ROBO2: variants seen among roughly 807,000 people sequenced by gnomAD.
ROBO2 encodes roundabout homolog 2.
ROBO2 carries 53 observed loss-of-function variants against 160.8 expected under a neutral mutation model. That is an observed-to-expected ratio of 0.33 (90% CI 0.26 to 0.41). ROBO2 has a LOEUF of 0.41. Among genes scored for constraint, ROBO2 ranks in the 10% least tolerant of loss-of-function variants. The pLI is 1.00. For missense variants in ROBO2, 1,577 were observed against 1,722.4 expected, an observed-to-expected ratio of 0.92 and a Z score of 1.49; for synonymous variants, 664 against 611.7, an observed-to-expected ratio of 1.09 and a Z score of -1.26.
intron 2 of ROBO2, among the ~76,000 whole-genome samples, chr3:76,582,645 C>T (rs2085773345): frequency 2.0e-5 from 3 of 151,928 alleles, no homozygotes; most frequent in African/African-American, 7.3e-5. Context: ...AAATTTAAGA[C>T]AATTCCTTTC....
intron 2 of ROBO2, among the ~76,000 whole-genome samples, chr3:76,606,090 C>T (rs2087630931): frequency 6.6e-6 from 1 of 151,872 alleles, no homozygotes; most frequent in Admixed American, 6.6e-5. Flanking sequence ...TGTAGATTTT[C>T]TGGAAAAGAA....
At chr3:77,617,343 A>C (rs2094802993) in intron 21 of ROBO2, among the ~76,000 whole-genome samples, 170 bp from the exon 23 acceptor site, 1 of 152,244 alleles carries the variant, frequency 6.6e-6, no homozygotes, top group Admixed American at 6.5e-5. Flanking sequence ...ATTAGAAATT[A>C]AGATAACAGC....
chr3:77,120,745 C>A (rs530730611), intron 2 of ROBO2, among the ~76,000 whole-genome samples: 1 of 151,980 alleles, frequency 6.6e-6, no homozygotes, highest in South Asian at 2.1e-4. Context: ...AAATAAAAAC[C>A]AAAACTAAAA....
chr3:75,976,856 T>C (rs1399791829), intron 2 of ROBO2, among the ~76,000 whole-genome samples: 1 of 151,430 alleles, frequency 6.6e-6, no homozygotes, highest in Non-Finnish European at 1.5e-5. Flanking sequence ...CACATGTCTG[T>C]GGAAAGGGTT....
chr3:76,306,062 A>G (rs927558326), intron 2 of ROBO2, among the ~76,000 whole-genome samples: 1 of 152,082 alleles, frequency 6.6e-6, no homozygotes, highest in African/African-American at 2.4e-5. Flanking sequence ...CAGCCACAAA[A>G]TGTCTTCAGA....
intron 2 of ROBO2, among the ~76,000 whole-genome samples, chr3:77,367,055 A>G (rs967628148): frequency 6.6e-6 from 1 of 152,134 alleles, no homozygotes; most frequent in Non-Finnish European, 1.5e-5. Flanking sequence ...GTATTGTGTT[A>G]TGACAGCTCA....
chr3:76,458,180 C>T (rs1172770707), intron 2 of ROBO2, among the ~76,000 whole-genome samples: 1 of 152,140 alleles, frequency 6.6e-6, no homozygotes, highest in East Asian at 1.9e-4. Flanking sequence ...AACTTTTATG[C>T]TTACTTTCCT....
intron 2 of ROBO2, among the ~76,000 whole-genome samples, chr3:76,931,427 G>A (rs2077332538): frequency 6.6e-6 from 1 of 151,990 alleles, no homozygotes; most frequent in Admixed American, 6.6e-5. Flanking sequence ...TCAAGCATGT[G>A]CCTCTTTTCC....
intron 2 of ROBO2, among the ~76,000 whole-genome samples, chr3:77,463,559 G>GATT (rs1254873145): frequency 6.6e-6 from 1 of 151,602 alleles, no homozygotes; most frequent in African/African-American, 2.4e-5. Flanking sequence ...GGTTATTGAA[G>GATT]ATTATTATTA....
chr3:77,570,095 A>C, intron 13 of ROBO2, among the ~76,000 whole-genome samples: 1 of 151,956 alleles, frequency 6.6e-6, no homozygotes, highest in East Asian at 1.9e-4. Context: ...CAAAGCCAAA[A>C]TACTACGCTG....
chr3:77,179,149 A>G (rs1003296575), intron 2 of ROBO2, among the ~76,000 whole-genome samples: 2 of 152,000 alleles, frequency 1.3e-5, no homozygotes, highest in Non-Finnish European at 2.9e-5. Flanking sequence ...TCTTTTCCTA[A>G]TAAAAATTCA....
At chr3:76,111,102 A>G (rs1215334024) in intron 2 of ROBO2, among the ~76,000 whole-genome samples, 2 of 152,108 alleles carry the variant, frequency 1.3e-5, no homozygotes, top group Non-Finnish European at 2.9e-5. Context: ...TGCAGATGGA[A>G]TTAGTTCAGA....
rs147949551 is a variant in ROBO2, at chr3:76,105,076, C to T, written c.109+167474C>T. Among the ~76,000 whole-genome samples, 140 of 152,110 alleles carry T rather than the reference C, an allele frequency of 9.2e-4. 2 individuals carry two copies. Among genetic ancestry groups the T allele is most frequent in the Admixed American group, 6.7e-3 (102 of 15,272 alleles). On this transcript the variant is annotated intron_variant, in intron 2 of 26. Coordinates refer to the ROBO2 transcript ENST00000487694. ...AGCCTTTAGGTGGGTCATAAGCTCT[C>T]AGTATCAGCTTTCAAATGGTTACAC...
intron 2 of ROBO2, among the ~76,000 whole-genome samples, chr3:77,236,082 G>A (rs1221846375): frequency 6.6e-6 from 1 of 152,176 alleles, no homozygotes; most frequent in Non-Finnish European, 1.5e-5. Flanking sequence ...TGTCCAAGGT[G>A]GTCAGGGCAC....
At chr3:77,183,423 TA>T (rs1225437458) in intron 2 of ROBO2, among the ~76,000 whole-genome samples, 11 of 152,104 alleles carry the variant, frequency 7.2e-5, no homozygotes, top group African/African-American at 2.6e-4. Context: ...GTAATTAAGT[TA>T]AAATGAGGTC....
intron 2 of ROBO2, among the ~76,000 whole-genome samples, chr3:76,214,170 G>A (rs995048857): frequency 1.3e-5 from 2 of 152,108 alleles, no homozygotes; most frequent in African/African-American, 2.4e-5. Flanking sequence ...TTCAAATAAA[G>A]ACAATAGCAA....
intron 2 of ROBO2, among the ~76,000 whole-genome samples, chr3:77,348,810 G>A (rs1461369109): frequency 2.6e-5 from 4 of 152,070 alleles, no homozygotes; most frequent in African/African-American, 7.2e-5. Context: ...CCTCTCTCCT[G>A]TTAGTCTCTC....
intron 2 of ROBO2, among the ~76,000 whole-genome samples, chr3:76,976,193 TA>T (rs1443097786): frequency 6.6e-6 from 1 of 152,210 alleles, no homozygotes. Context: ...GGCAATTTTA[TA>T]GATAACATTC....
At chr3:77,060,180 A>G (rs926528221) in intron 1 of ROBO2, among the ~76,000 whole-genome samples, 3 of 152,160 alleles carry the variant, frequency 2.0e-5, no homozygotes, top group African/African-American at 7.2e-5. Flanking sequence ...CTTTGGTTAT[A>G]GCATTGGGTG....
Sources: allele counts gnomAD v4.1 joint callset (sites outside exome capture counted in the v4.1 genomes callset), GRCh38; gene constraint gnomAD v4.1.1; transcripts MANE v1.5; gene names NCBI Gene and HGNC (gene_info 2026-07-23, HGNC 2026-07-21).